The following COL2A1 variants were observed in gnomAD, a reference collection of about 807,000 sequenced individuals.
COL2A1 encodes collagen alpha-1(II) chain.
COL2A1 carries 28 observed loss-of-function variants against 204.5 expected under a neutral mutation model. That is an observed-to-expected ratio of 0.14 (90% CI 0.10 to 0.19). The LOEUF is 0.19. Ranked by LOEUF, COL2A1 falls within the 10% of genes least tolerant of loss-of-function variation. COL2A1 has a pLI of 1.00. For synonymous variants in COL2A1, 708 were observed against 718.7 expected, an observed-to-expected ratio of 0.99 and a Z score of 0.24; for missense variants, 1,388 against 2,027.5, an observed-to-expected ratio of 0.68 and a Z score of 6.06.
At position 47,983,098 on chromosome 12, in the gene COL2A1, G is replaced by A; in HGVS notation, c.2089C>T (p.Pro697Ser). The change falls in exon 32 of 54, where the codon CCC (proline) becomes TCC (serine). Residue 697 changes from proline to serine, a missense_variant. By Grantham distance (74) the Pro-to-Ser change is moderately conservative. This residue lies in a region of COL2A1 where 884 missense variants were observed against 1,415.8 expected (regional missense o/e 0.62). Coordinates refer to ENST00000380518, the MANE Select transcript of COL2A1 (RefSeq NM_001844.5). ...GEAGAPGLVG[P>S]RGERGFPGER... ...TTGGCCAACAGGATACTCACCCTGG[G>A]ACCCACGAGGCCAGGGGCTCCAGCT... is the stretch of plus-strand genomic sequence containing the variant. 1.9e-6 allele frequency: 3 copies of A among 1,613,934 alleles called. No individual in the cohort carries two copies. Among genetic ancestry groups the A allele is most frequent in the Non-Finnish European group, 2.5e-6 (3 of 1,179,920 alleles).
intron 29 of COL2A1, 84 bp downstream of exon 29, chr12:47,984,003 T>A: frequency 8.1e-7 from 1 of 1,240,776 alleles, no homozygotes. Context: ...ATCTGTCAGC[T>A]CCATTAATGG....
Position 47,987,172 on chromosome 12 carries a change from G to A in COL2A1, c.1271C>T (p.Ala424Val), listed in dbSNP as rs1939467936. 4 of 1,614,068 alleles carry A rather than the reference G, an allele frequency of 2.5e-6. No individual in the cohort carries two copies. In the East Asian group the frequency reaches 8.9e-5, roughly 36 times the overall value. The change falls in exon 21 of 54, where the codon GCT becomes GTT. Residue 424 changes from alanine to valine, a missense_variant. This residue lies in a region of COL2A1 where 884 missense variants were observed against 1,415.8 expected (regional missense o/e 0.62). Transcript: ENST00000380518. The surrounding 1 kb of genome is among the most constrained non-coding windows in gnomAD (Gnocchi z 4.1). ...GCCAGGAGCACCAGCAATGCCAGGA[G>A]CACCCTGTGGGCATGAGAAGAAGGG... Reference protein sequence around the residue: ...GIPGAKGSAGAPGIAGAPGFP... With the variant: ...GIPGAKGSAGVPGIAGAPGFP...
chr12:47,983,255 G>T, intron 31 of COL2A1, 118 bp from the exon 32 acceptor site: 5 of 1,477,838 alleles, frequency 3.4e-6, no homozygotes, highest in East Asian at 2.4e-5. Context: ...ATCTGTGGAG[G>T]CTGGGACATG....
chr12:47,986,940 C>T, intron 21 of COL2A1, 52 bp from the exon 22 acceptor site: 7 of 1,609,026 alleles, frequency 4.4e-6, no homozygotes, highest in Non-Finnish European at 5.1e-6. Flanking sequence ...GGAGCCTGCC[C>T]CTCCCCAGAA....
intron 50 of COL2A1, 64 bp from the exon 51 acceptor site, chr12:47,975,669 A>C (rs1938670240): frequency 1.0e-5 from 16 of 1,539,744 alleles, no homozygotes; most frequent in Non-Finnish European, 1.4e-5. Context: ...GTCCATCCCC[A>C]TTTGCTAGAA....
chr12:47,984,249 G>T (rs1939260322), intron 28 of COL2A1, 109 bp from the exon 29 acceptor site: 1 of 1,006,158 alleles, frequency 9.9e-7, no homozygotes, highest in Non-Finnish European at 1.5e-6. Flanking sequence ...GACCTCCACG[G>T]TACCCCAGCT....
In COL2A1 at chr12:47,978,899, C is replaced by A. The variant is rs997056285; in HGVS notation, c.2734-141G>T. ...CCACACTAAGGGCAGGCAGCTTAACCCCCCCAACCCCAATCTACCGCTGCA... is the reference window on the plus strand; with the variant it reads ...CCACACTAAGGGCAGGCAGCTTAACACCCCCAACCCCAATCTACCGCTGCA... On this transcript the variant is annotated intron_variant, in intron 41 of 53. Coordinates refer to ENST00000380518, the MANE Select transcript of COL2A1 (RefSeq NM_001844.5). This position sits in a 1 kb window ranked among gnomAD's most constrained non-coding sequence, Gnocchi z 5.5. The A allele has an allele frequency of 3.3e-5, 27 of 822,688 alleles. No homozygotes were observed. Among genetic ancestry groups the A allele is most frequent in the African/African-American group, 3.2e-4 (19 of 58,816 alleles). The allele number at this position is 822,688 out of a possible 1,614,324, so 51.0% of individuals were successfully genotyped here.
rs912002483 is a variant in COL2A1, at chr12:47,980,919, G to A, written c.2513C>T (p.Pro838Leu). The A allele has an allele frequency of 6.4e-7, 1 of 1,552,684 alleles. No homozygotes were observed. Residue 838 changes from proline (P) to leucine (L), a missense_variant, in exon 38 of 54, where the codon CCT (proline) becomes CTT (leucine). Physicochemically the swap from Pro to Leu is moderately conservative, Grantham distance 98. Coordinates refer to ENST00000380518, the MANE Select transcript of COL2A1 (RefSeq NM_001844.5). This position sits in a 1 kb window ranked among gnomAD's most constrained non-coding sequence, Gnocchi z 4.5. ...AGGATGGACAGAGATACTCACAGGA[G>A]GCCCAGCAAATCCCGCTGGTCCGGG... is the stretch of plus-strand genomic sequence containing the variant. ...GPPGPAGFAG[P>L]PGADGQPGAK... is the part of the protein sequence containing the mutation.
At position 47,976,717 on chromosome 12, in the gene COL2A1, G is replaced by A; in HGVS notation, c.3435+95C>T. On this transcript the variant is annotated intron_variant, in intron 48 of 53. Transcript: ENST00000380518. This position sits in a 1 kb window ranked among gnomAD's most constrained non-coding sequence, Gnocchi z 4.3. The stretch of plus-strand genomic sequence containing the variant: ...CTGAGGAAATCCTAGAAACTGCTTA[G>A]GGTGATCCCAAGCTGTCCTGGCAGC... 3 of 1,400,756 alleles carry A rather than the reference G, an allele frequency of 2.1e-6. No individual in the cohort carries two copies. The highest frequency in any genetic ancestry group is 2.4e-5 in the East Asian group (1 of 41,802). The allele number at this position is 1,400,756 out of a possible 1,614,324, so 86.8% of individuals were successfully genotyped here.
In COL2A1 at chr12:47,980,371, G is replaced by GTA. The variant is rs1250342563; in HGVS notation, c.2625+181_2625+182dup. On this transcript the variant is annotated intron_variant, in intron 39 of 53. Transcript: ENST00000380518. This position sits in a 1 kb window ranked among gnomAD's most constrained non-coding sequence, Gnocchi z 4.5. Reference sequence around the variant, plus strand: ...GGTTCTGGCTGGCTGTGGCCAGCCTGTACTCTGTCAGTCCCTACACCCCAC... The same window carrying GTA: ...GGTTCTGGCTGGCTGTGGCCAGCCTGTATACTCTGTCAGTCCCTACACCCCAC... 6.6e-6 allele frequency among the ~76,000 whole-genome samples: 1 copy of GTA among 152,088 alleles called. No individual in the cohort carries two copies. Among genetic ancestry groups the GTA allele is most frequent in the African/African-American group, 2.4e-5 (1 of 41,410 alleles).
At chr12:47,994,622 G>T in intron 11 of COL2A1, 145 bp from the exon 12 acceptor site, 1 of 818,504 alleles carries the variant, frequency 1.2e-6, no homozygotes, top group Non-Finnish European at 2.1e-6. Flanking sequence ...GACTCCACGT[G>T]CCTGGATGCC....
rs543198065 is a variant in COL2A1, at chr12:47,979,898, C to T, written c.2679+111G>A. The T allele has an allele frequency of 2.2e-4, 227 of 1,027,432 alleles. No individual in the cohort carries two copies. In the African/African-American group the frequency reaches 2.7e-3, roughly 12 times the overall value. 63.6% of individuals were successfully genotyped at this position (1,027,432 alleles called of 1,614,324 possible). On this transcript the variant is annotated intron_variant, in intron 40 of 53. Transcript: ENST00000380518. ...TGGGTGGGCTTAGGCTGGGGACCAACGCAGGGCTGGGAAAACAGTCGGGGG... is the reference window on the plus strand; with the variant it reads ...TGGGTGGGCTTAGGCTGGGGACCAATGCAGGGCTGGGAAAACAGTCGGGGG...
At chr12:47,981,553 C>T (rs1276425709) in intron 36 of COL2A1, among the ~76,000 whole-genome samples, 157 bp from the exon 37 acceptor site, 4 of 152,376 alleles carry the variant, frequency 2.6e-5, no homozygotes, top group South Asian at 2.1e-4. Flanking sequence ...CGCACCCTCT[C>T]GAGGGCCTCT....
chr12:47,984,456 C>T (rs893209004), intron 28 of COL2A1, 90 bp downstream of exon 28: 78 of 1,376,144 alleles, frequency 5.7e-5, no homozygotes, highest in African/African-American at 8.6e-5. Context: ...TGAGGGGTCC[C>T]GGGACCATGC....
At chr12:47,984,026 ACC>A in intron 29 of COL2A1, 59 bp downstream of exon 29, 1 of 1,426,814 alleles carries the variant, frequency 7.0e-7, no homozygotes, top group Admixed American at 1.9e-5. Context: ...GGGCTCTCCC[ACC>A]CCCACCCCTC....
rs767613598 is a variant in COL2A1, at chr12:47,979,570, T to A, written c.2680-6A>T. 3 of 1,591,948 alleles carry A rather than the reference T, an allele frequency of 1.9e-6. No homozygotes were observed. Among genetic ancestry groups the A allele is most frequent in the African/African-American group, 1.4e-5 (1 of 71,786 alleles). On this transcript the variant is annotated splice_region_variant and splice_polypyrimidine_tract_variant and intron_variant, in intron 40 of 53. Transcript: ENST00000380518. ...CCAGGGAATCCAGTGGCTCCCTGTGTGGGGAGAGGAGAGCCCCTGAGAACC... is the reference window on the plus strand; with the variant it reads ...CCAGGGAATCCAGTGGCTCCCTGTGAGGGGAGAGGAGAGCCCCTGAGAACC...
In COL2A1 at chr12:47,993,269, A is replaced by C. The variant is rs1793912; in HGVS notation, c.969+189T>G. Among the ~76,000 whole-genome samples the C allele has an allele frequency of 0.75, 114,375 of 152,026 alleles. 43,899 individuals carry two copies. The highest frequency in any genetic ancestry group is 0.85 in the Non-Finnish European group (57,842 of 67,984). On this transcript the variant is annotated intron_variant, in intron 15 of 53. Coordinates refer to ENST00000380518, the MANE Select transcript of COL2A1 (RefSeq NM_001844.5). The stretch of plus-strand genomic sequence containing the variant: ...AATGGGAGCATCTTTAGTGTGATAA[A>C]ATGGGTATCTTAAGGAAATGTTGGT...
chr12:47,977,359 G>A lies in COL2A1; in HGVS notation c.3234C>T (p.Pro1078=), dbSNP rs554016564. The change falls in exon 46 of 54, where the codon CCC becomes CCT. Residue 1078 remains proline (P), a synonymous_variant. Transcript: ENST00000380518. ...GAPGPPGSPG[P]AGPTGKQGDR... is the part of the protein sequence containing the mutation. ...CTCCTTGCTTGCCAGTTGGACCAGCGGGGCCAGGGGAGCCAGGGGGCCCAG... is the reference window on the plus strand; with the variant it reads ...CTCCTTGCTTGCCAGTTGGACCAGCAGGGCCAGGGGAGCCAGGGGGCCCAG... 4.0e-5 allele frequency: 64 copies of A among 1,613,642 alleles called. 1 individual carries two copies. Among genetic ancestry groups the A allele is most frequent in the Admixed American group, 1.3e-4 (8 of 60,024 alleles).
chr12:47,991,615 A>T (rs1317347482), intron 16 of COL2A1, among the ~76,000 whole-genome samples: 1 of 152,190 alleles, frequency 6.6e-6, no homozygotes, highest in Non-Finnish European at 1.5e-5. Flanking sequence ...TCTAAGCCAA[A>T]TCCTACACAC....
Sources: gnomAD v4.1 joint callset for allele counts (sites outside exome capture counted in the v4.1 genomes callset) on GRCh38, gnomAD v4.1.1 for gene constraint, gnomAD v4.1.1 regional missense constraint, Gnocchi (gnomAD v3.1) non-coding constraint, MANE v1.5 for transcripts, NCBI Gene and HGNC (gene_info 2026-07-23, HGNC 2026-07-21) for gene names.